The following IL34 variants were observed in gnomAD, a reference collection of about 807,000 sequenced individuals.
IL34 encodes the protein interleukin 34, also known as interleukin-34.
A neutral mutation model predicts 25.3 loss-of-function variants in IL34; 17 were observed. The observed-to-expected ratio is 0.67, with a 90% CI of 0.46 to 1.01. IL34 has a LOEUF of 1.01. IL34 is among the 50% of genes least tolerant of loss of function. The pLI is 0.00. For synonymous variants in IL34, 174 were observed against 140.9 expected, an observed-to-expected ratio of 1.23 and a Z score of -1.66; for missense variants, 368 against 312.9, an observed-to-expected ratio of 1.18 and a Z score of -1.33.
intron 1 of IL34, among the ~76,000 whole-genome samples, chr16:70,621,890 T>A (rs1419866060): frequency 6.6e-6 from 1 of 151,916 alleles, no homozygotes; most frequent in Admixed American, 6.6e-5. Context: ...TGTCATCAGT[T>A]AAGGCAAGGA....
At chr16:70,635,377 T>C (rs1258616349) in intron 1 of IL34, among the ~76,000 whole-genome samples, 1 of 152,246 alleles carries the variant, frequency 6.6e-6, no homozygotes, top group Non-Finnish European at 1.5e-5. Flanking sequence ...TGCTAGTTTT[T>C]GCTTTGTTTT....
chr16:70,581,807 A>G (rs77449600), intron 1 of IL34, among the ~76,000 whole-genome samples: 4,878 of 152,260 alleles, frequency 0.032, 295 homozygotes, highest in African/African-American at 0.11. Context: ...TAGGGGCCGG[A>G]CATGGTGGCT....
At chr16:70,652,936 G>A (rs1380207831) in intron 1 of IL34, among the ~76,000 whole-genome samples, 14 of 152,188 alleles carry the variant, frequency 9.2e-5, no homozygotes. Context: ...GGGCATGGTG[G>A]CTCGTGCCTG....
chr16:70,603,827 C>A (rs2050957472), intron 1 of IL34, among the ~76,000 whole-genome samples: 1 of 152,232 alleles, frequency 6.6e-6, no homozygotes, highest in Admixed American at 6.5e-5. Flanking sequence ...AGCAGTCCTC[C>A]TGCTTCAGCC....
chr16:70,591,970 G>T, intron 1 of IL34, among the ~76,000 whole-genome samples: 1 of 151,882 alleles, frequency 6.6e-6, no homozygotes. Flanking sequence ...CACTGTCCTG[G>T]GTGGGGGCCC....
In IL34 at chr16:70,597,039, C is replaced by T. The variant is rs545074695; in HGVS notation, c.-401+16990C>T. Among the ~76,000 whole-genome samples the T allele has an allele frequency of 3.3e-5, 5 of 152,272 alleles. No individual in the cohort carries two copies. The East Asian group carries it at 9.7e-4, about 29-fold the overall frequency. On this transcript the variant is annotated intron_variant, in intron 1 of 6. Coordinates refer to the IL34 transcript ENST00000429149. ...GCTCAACCTGTTTGTATGTGGATCA[C>T]TTGAGCAGCTCAGGTGGGTGCCTGC... is the stretch of plus-strand genomic sequence containing the variant.
At chr16:70,612,342 G>T (rs922944637) in intron 1 of IL34, among the ~76,000 whole-genome samples, 3 of 138,440 alleles carry the variant, frequency 2.2e-5, no homozygotes, top group Non-Finnish European at 1.6e-5. Context: ...GGGCTAGGGG[G>T]ATCTGCTGGT....
chr16:70,601,233 G>A (rs759914161), intron 1 of IL34, among the ~76,000 whole-genome samples: 9 of 152,100 alleles, frequency 5.9e-5, no homozygotes, highest in Non-Finnish European at 1.2e-4. Flanking sequence ...CTGTGCATGT[G>A]CTGCCTCAGA....
At chr16:70,627,050 A>G (rs1218158913) in intron 1 of IL34, among the ~76,000 whole-genome samples, 2 of 151,680 alleles carry the variant, frequency 1.3e-5, no homozygotes, top group Non-Finnish European at 2.9e-5. Flanking sequence ...CTGGTCTTGA[A>G]CTTCTGGACT....
At chr16:70,643,523 A>C (rs774114201), upstream of IL34, among the ~76,000 whole-genome samples, 4 of 152,170 alleles carry the variant, frequency 2.6e-5, no homozygotes, top group Admixed American at 6.5e-5. Context: ...GGCCCGTGCC[A>C]CTACACCCAC....
intron 1 of IL34, among the ~76,000 whole-genome samples, chr16:70,622,378 C>T (rs1467979839): frequency 1.3e-5 from 2 of 151,772 alleles, no homozygotes; most frequent in Non-Finnish European, 2.9e-5. Flanking sequence ...CCTGAATAAT[C>T]CCTGAGGAGT....
At chr16:70,594,752 A>G (rs2050796541) in intron 1 of IL34, among the ~76,000 whole-genome samples, 1 of 152,070 alleles carries the variant, frequency 6.6e-6, no homozygotes, top group Admixed American at 6.6e-5. Flanking sequence ...CAGGGCTGCT[A>G]CTGCTCAAGG....
rs976740416 is a variant in IL34 at position 70,616,256 on chromosome 16, T to C, written c.-400-30292T>C. Among the ~76,000 whole-genome samples, 7 of 152,338 alleles carry C rather than the reference T, an allele frequency of 4.6e-5. No homozygotes were observed. The South Asian group carries it at 1.4e-3, about 32-fold the overall frequency. ...ATCTGCATTTGTGATTTGAGAGATATTGCCAATTTCCACTCCATAAGGTTA... is the reference window on the plus strand; with the variant it reads ...ATCTGCATTTGTGATTTGAGAGATACTGCCAATTTCCACTCCATAAGGTTA... On this transcript the variant is annotated intron_variant, in intron 1 of 6. Transcript: ENST00000429149.
intron 2 of IL34, 88 bp downstream of exon 2, chr16:70,654,759 G>C (rs1377463028): frequency 6.7e-7 from 1 of 1,482,064 alleles, no homozygotes; most frequent in African/African-American, 1.4e-5. Flanking sequence ...GCCCTTCTTA[G>C]GACCTGTGTC....
chr16:70,656,594 C>T lies in IL34; in HGVS notation c.163-8C>T. 1 of 1,215,492 alleles carries T rather than the reference C, an allele frequency of 8.2e-7. No individual in the cohort carries two copies. Among genetic ancestry groups the T allele is most frequent in the Non-Finnish European group, 1.2e-6 (1 of 815,402 alleles). The allele number at this position is 1,215,492 out of a possible 1,614,324, so 75.3% of individuals were successfully genotyped here. A position where few individuals can be genotyped will look rare whatever the true frequency, so the allele number is the denominator to read the frequency against. On this transcript the variant is annotated splice_region_variant and splice_polypyrimidine_tract_variant and intron_variant, in intron 2 of 5. Transcript: ENST00000288098. ...CTGGCCTCATAGTTTGTTCTTGTGC[C>T]TCTCCAGAAACACTACTTCCCCATC...
At chr16:70,609,034 C>A (rs938942389) in intron 1 of IL34, among the ~76,000 whole-genome samples, 1 of 151,938 alleles carries the variant, frequency 6.6e-6, no homozygotes. Flanking sequence ...AAGCATAATT[C>A]TTTTATTTTT....
At chr16:70,631,835 T>A (rs2051525094) in intron 1 of IL34, among the ~76,000 whole-genome samples, 1 of 152,058 alleles carries the variant, frequency 6.6e-6, no homozygotes, top group African/African-American at 2.4e-5. Context: ...ATCCCTCTGG[T>A]CCTTCATTTC....
At position 70,592,452 on chromosome 16, in the gene IL34, C is replaced by T. The variant is rs77201065; in HGVS notation, c.-401+12403C>T. On this transcript the variant is annotated intron_variant, in intron 1 of 6. Transcript: ENST00000429149. ...CTGCTGTGGGTTCTGGGACCCTTAA[C>T]CCAACCCTGGAAGGTGTGGCTGTAA... 1.4e-4 allele frequency among the ~76,000 whole-genome samples: 21 copies of T among 152,262 alleles called. No individual in the cohort carries two copies. The East Asian group carries it at 3.7e-3, about 27-fold the overall frequency.
chr16:70,623,722 G>T (rs1411906260), intron 1 of IL34, among the ~76,000 whole-genome samples: 1 of 151,778 alleles, frequency 6.6e-6, no homozygotes, highest in Non-Finnish European at 1.5e-5. Context: ...CTGTAGTCCA[G>T]GAATAGTCAG....
Sources: allele counts gnomAD v4.1 joint callset (sites outside exome capture counted in the v4.1 genomes callset), GRCh38; gene constraint gnomAD v4.1.1; transcripts MANE v1.5; gene names NCBI Gene and HGNC (gene_info 2026-07-23, HGNC 2026-07-21).